Variants in TPD52L2 observed in about 807,000 individuals in gnomAD.
TPD52L2 encodes tumor protein D54.
Under a neutral mutation model 24.7 loss-of-function variants are expected in TPD52L2, and 19 were observed. The ratio of observed to expected loss-of-function variants is 0.77; its 90% CI spans 0.54 to 1.13. TPD52L2 has a LOEUF of 1.13. Among genes scored for constraint, TPD52L2 ranks in the 50% most tolerant of loss-of-function variants. The pLI is 0.00. For synonymous variants in TPD52L2, 104 were observed against 100.2 expected (o/e 1.04, Z -0.23); for missense variants, 236 against 250.4 (o/e 0.94, Z 0.39).
chr20:63,868,199 C>T (rs1299296707), intron 1 of TPD52L2, among the ~76,000 whole-genome samples: 2 of 152,250 alleles, frequency 1.3e-5, no homozygotes, highest in Non-Finnish European at 2.9e-5. Context: ...AGGCATGAGC[C>T]ACTGCGCCTG....
intron 2 of TPD52L2, among the ~76,000 whole-genome samples, chr20:63,871,765 C>T (rs1404861485): frequency 6.6e-6 from 1 of 151,848 alleles, no homozygotes; most frequent in Non-Finnish European, 1.5e-5. Flanking sequence ...TCCCGAGTAC[C>T]TGGGGTTACA....
chr20:63,879,346 G>A (rs938522174), intron 4 of TPD52L2, among the ~76,000 whole-genome samples: 3 of 152,106 alleles, frequency 2.0e-5, no homozygotes, highest in East Asian at 1.9e-4. Flanking sequence ...CAGTGGCACC[G>A]GGTGTCAGTG....
chr20:63,882,875 G>A, intron 5 of TPD52L2, 55 bp downstream of exon 5: 1 of 1,392,758 alleles, frequency 7.2e-7, no homozygotes, highest in South Asian at 1.3e-5. Context: ...GTGAGGTGAG[G>A]TGTTGGAGGT....
intron 5 of TPD52L2, chr20:63,888,831 G>T (rs2053227081): frequency 3.1e-6 from 1 of 319,770 alleles, no homozygotes; most frequent in Non-Finnish European, 6.0e-6. Context: ...GGACAGCAGA[G>T]AGGGGCCGAC....
intron 1 of TPD52L2, 94 bp downstream of exon 1, chr20:63,865,478 T>G: frequency 6.9e-7 from 1 of 1,451,716 alleles, no homozygotes; most frequent in Non-Finnish European, 9.1e-7. Flanking sequence ...CTCTGTCCTC[T>G]CGGTCTCGGT....
In TPD52L2 at chr20:63,877,347, G is replaced by T. The variant is rs1284342167; in HGVS notation, c.374+1472G>T. The stretch of plus-strand genomic sequence containing the variant: ...GCTAATTTTTTGTATTTTTAGTAGA[G>T]ACAGGGTTTCATGGTGTTAGCCAGG... On this transcript the variant is annotated intron_variant, in intron 4 of 6. Transcript: ENST00000346249. This position sits in a 1 kb window ranked among gnomAD's most constrained non-coding sequence, Gnocchi z 4.1. The T allele has an allele frequency of 1.1e-5, 3 of 280,620 alleles. No individual in the cohort carries two copies. Among genetic ancestry groups the T allele is most frequent in the Non-Finnish European group, 2.1e-5 (3 of 143,816 alleles). The allele number at this position is 280,620 out of a possible 1,614,324, so 17.4% of individuals were successfully genotyped here.
Position 63,865,323 on chromosome 20 carries a change from G to C in TPD52L2, c.-43G>C. On this transcript the variant is annotated 5_prime_UTR_variant, in exon 1 of 7. Coordinates refer to ENST00000346249, the MANE Select transcript of TPD52L2 (RefSeq NM_003288.4). ...AGCTTCTCCCGGCGCCGCCCGCTCG[G>C]CTCCCATAGCGCCCGCGACAGCGGT... The C allele has an allele frequency of 6.6e-7, 1 of 1,511,896 alleles. No homozygotes were observed. Among genetic ancestry groups the C allele is most frequent in the Non-Finnish European group, 8.8e-7 (1 of 1,135,800 alleles). 93.7% of individuals were successfully genotyped at this position (1,511,896 alleles called of 1,614,324 possible).
At chr20:63,872,042 CTTTTTTTTTTTTT>C (rs34989051) in intron 2 of TPD52L2, among the ~76,000 whole-genome samples, 1 of 106,928 alleles carries the variant, frequency 9.4e-6, no homozygotes, top group Non-Finnish European at 2.0e-5. Flanking sequence ...AGGTCATGTT[CTTTTTTTTTTTTT>C]TTTTTTTTAA....
intron 1 of TPD52L2, among the ~76,000 whole-genome samples, chr20:63,868,687 T>TAATC (rs2052350308): frequency 6.6e-6 from 1 of 152,244 alleles, no homozygotes; most frequent in African/African-American, 2.4e-5. Flanking sequence ...CTCACACCTG[T>TAATC]AATCCCAACA....
At chr20:63,875,762 G>T in intron 3 of TPD52L2, 54 bp from the exon 4 acceptor site, 1 of 1,579,062 alleles carries the variant, frequency 6.3e-7, no homozygotes. Context: ...GCAGTTTGAT[G>T]CCTGAGTTAA....
At chr20:63,870,200 A>G (rs537729400) in intron 2 of TPD52L2, among the ~76,000 whole-genome samples, 30 of 152,338 alleles carry the variant, frequency 2.0e-4, no homozygotes, top group African/African-American at 7.0e-4. Flanking sequence ...CTTAAGAGTA[A>G]TGTAGGAATT....
chr20:63,865,758 GC>G (rs1006342512), intron 1 of TPD52L2, among the ~76,000 whole-genome samples: 5 of 152,172 alleles, frequency 3.3e-5, no homozygotes, highest in Non-Finnish European at 7.4e-5. Context: ...CGGTCCCTGC[GC>G]GGGGCCCTCG....
At chr20:63,886,086 A>G (rs767385415) in intron 5 of TPD52L2, 1 of 1,607,162 alleles carries the variant, frequency 6.2e-7, no homozygotes, top group Admixed American at 1.7e-5. Flanking sequence ...TTTTCTCTGA[A>G]TTGGGGCAGG....
intron 1 of TPD52L2, among the ~76,000 whole-genome samples, chr20:63,868,182 G>A (rs183830911): frequency 2.0e-4 from 30 of 152,320 alleles, no homozygotes; most frequent in Admixed American, 9.2e-4. Flanking sequence ...AAAAGTGCTG[G>A]GATTATAGGC....
chr20:63,889,580 A>G (rs1427558171), intron 6 of TPD52L2, among the ~76,000 whole-genome samples: 1 of 150,958 alleles, frequency 6.6e-6, no homozygotes, highest in Non-Finnish European at 1.5e-5. Flanking sequence ...CCCCTAGTCC[A>G]CTCTCCCTTT....
chr20:63,871,077 C>T (rs1321479188), intron 2 of TPD52L2, among the ~76,000 whole-genome samples: 1 of 152,104 alleles, frequency 6.6e-6, no homozygotes, highest in Non-Finnish European at 1.5e-5. Flanking sequence ...GAGTCTTGCT[C>T]TGTCGCCCAG....
At chr20:63,874,236 G>T (rs1385577800) in intron 3 of TPD52L2, among the ~76,000 whole-genome samples, 16 of 147,904 alleles carry the variant, frequency 1.1e-4, no homozygotes, top group African/African-American at 4.0e-4. Context: ...TTTTGTGTGT[G>T]TGTGTGTGTG....
At chr20:63,880,807 C>T (rs537929439) in intron 4 of TPD52L2, among the ~76,000 whole-genome samples, 6 of 151,212 alleles carry the variant, frequency 4.0e-5, no homozygotes, top group South Asian at 2.1e-4. Flanking sequence ...AGGAGAATGG[C>T]GTGCACCCGT....
At chr20:63,885,894 C>A in intron 5 of TPD52L2, 1 of 998,572 alleles carries the variant, frequency 1.0e-6, no homozygotes, top group South Asian at 1.3e-5. Context: ...TCTTCCCCTG[C>A]TGGGCCTGAC....
Sources: gnomAD v4.1 joint callset for allele counts (sites outside exome capture counted in the v4.1 genomes callset) on GRCh38, gnomAD v4.1.1 for gene constraint, Gnocchi (gnomAD v3.1) non-coding constraint, MANE v1.5 for transcripts, NCBI Gene and HGNC (gene_info 2026-07-23, HGNC 2026-07-21) for gene names.